Variants in AKAP11 observed in about 807,000 individuals in gnomAD.
The protein encoded by AKAP11 is A-kinase anchor protein 11.
Under a neutral mutation model 146.1 loss-of-function variants are expected in AKAP11, and 36 were observed. The observed-to-expected ratio is 0.25, with a 90% confidence interval of 0.19 to 0.33. AKAP11 has a LOEUF of 0.33. AKAP11 is among the 10% of genes least tolerant of loss of function. The pLI is 1.00. For missense variants in AKAP11, 2,201 were observed against 2,197.0 expected (o/e 1.00, Z -0.04); for synonymous variants, 780 against 786.5 (o/e 0.99, Z 0.14).
intron 9 of AKAP11, 101 bp downstream of exon 9, chr13:42,308,710 A>G: frequency 1.1e-6 from 1 of 904,900 alleles, no homozygotes; most frequent in Non-Finnish European, 1.6e-6. Context: ...ATTTGAAAAT[A>G]TGCTATTACT....
intron 8 of AKAP11, among the ~76,000 whole-genome samples, chr13:42,307,736 G>A (rs1356650333): frequency 2.6e-5 from 4 of 152,150 alleles, no homozygotes; most frequent in Non-Finnish European, 5.9e-5. Flanking sequence ...TGTTATAAGA[G>A]GGGACAGGCA....
Position 42,315,667 on chromosome 13 carries a change from G to A in AKAP11, c.5404+1727G>A, listed in dbSNP as rs529215011. On this transcript the variant is annotated intron_variant, in intron 11 of 12. Transcript: ENST00000025301. ...GCTGTTAAGGATTTCTTTTGTAGTT[G>A]GTAGAAATCAGGAGATTAATTATAT... is the stretch of plus-strand genomic sequence containing the variant. Among the ~76,000 whole-genome samples the A allele has an allele frequency of 1.5e-3, 226 of 152,226 alleles. 1 individual carries two copies. The highest frequency in any genetic ancestry group is 6.8e-3 in the Middle Eastern group (2 of 294).
At chr13:42,309,595 G>T (rs1175838793) in intron 9 of AKAP11, among the ~76,000 whole-genome samples, 1 of 152,144 alleles carries the variant, frequency 6.6e-6, no homozygotes, top group Non-Finnish European at 1.5e-5. Flanking sequence ...TAATATTTTT[G>T]TAAAGTATAT....
In AKAP11 at chr13:42,301,935, A is replaced by G. The variant is rs1228446778; in HGVS notation, c.3189A>G (p.Glu1063=). The change falls in exon 8 of 13, where the codon GAA becomes GAG. Residue 1063 remains glutamate (E), a synonymous_variant. Coordinates refer to ENST00000025301, the MANE Select transcript of AKAP11 (RefSeq NM_016248.4). ...TSLEALSFGQ[E]NPFPHSHTFS... ...TTGAGGCCTTGTCTTTTGGACAGGA[A>G]AACCCCTTTCCTCATTCACATACTT... is the stretch of plus-strand genomic sequence containing the variant. 6.2e-7 allele frequency: 1 copy of G among 1,614,052 alleles called. No individual in the cohort carries two copies. The highest frequency in any genetic ancestry group is 8.5e-7 in the Non-Finnish European group (1 of 1,180,024).
rs752956231 is a variant in AKAP11 at position 42,295,788 on chromosome 13, A to G, written c.216+46A>G. 6 of 1,577,164 alleles carry G rather than the reference A, an allele frequency of 3.8e-6. No individual in the cohort carries two copies. The South Asian group carries it at 5.7e-5, about 15-fold the overall frequency. On this transcript the variant is annotated intron_variant, in intron 5 of 12. Coordinates refer to ENST00000025301, the MANE Select transcript of AKAP11 (RefSeq NM_016248.4). ...TTTACTGAGTATTCTTGTCATGGAA[A>G]TCAGCTTTAGGTTTGACCACAAAAG...
At position 42,320,164 on chromosome 13, in the gene AKAP11, T is replaced by C. The variant is rs1432653102; in HGVS notation, c.*936T>C. 4 of 152,666 alleles carry C rather than the reference T, an allele frequency of 2.6e-5. No homozygotes were observed. Among genetic ancestry groups the C allele is most frequent in the Non-Finnish European group, 5.9e-5 (4 of 68,022 alleles). 9.5% of individuals were successfully genotyped at this position (152,666 alleles called of 1,614,324 possible). On this transcript the variant is annotated 3_prime_UTR_variant, in exon 13 of 13. Transcript: ENST00000025301. ...GTGAAAACTTAAATTGTAAAACATG[T>C]TGAAATTTTAAAAATTAATGTTAAT...
intron 8 of AKAP11, among the ~76,000 whole-genome samples, chr13:42,304,894 G>A (rs1010044429): frequency 6.6e-6 from 1 of 152,104 alleles, no homozygotes; most frequent in Admixed American, 6.6e-5. Flanking sequence ...GGGATTACAG[G>A]CACCCACCAC....
intron 12 of AKAP11, 44 bp from the exon 13 acceptor site, chr13:42,319,044 T>C: frequency 1.3e-6 from 2 of 1,573,342 alleles, no homozygotes; most frequent in Non-Finnish European, 1.7e-6. Flanking sequence ...AGCTTTGTTA[T>C]AAAATTGTTT....
In AKAP11 at chr13:42,300,508, ACAT is replaced by A; in HGVS notation, c.1767_1769del (p.Ser590del). 1.2e-6 allele frequency: 2 copies of A among 1,614,148 alleles called. No homozygotes were observed. The highest frequency in any genetic ancestry group is 1.1e-5 in the South Asian group (1 of 91,082). Reference sequence around the variant, plus strand: ...TTTGTACCACTTAGCCATCAAATTGACATCATCTGTTTTGCAGATGGCATTTGA... The same window carrying A: ...TTTGTACCACTTAGCCATCAAATTGACATCTGTTTTGCAGATGGCATTTGA... On this transcript the variant is annotated inframe_deletion, in exon 8 of 13. Transcript: ENST00000025301.
intron 11 of AKAP11, among the ~76,000 whole-genome samples, chr13:42,315,360 T>C (rs1425120756): frequency 2.0e-5 from 3 of 152,196 alleles, no homozygotes; most frequent in African/African-American, 7.2e-5. Context: ...TTTAGTGTTA[T>C]TGATATTTGA....
Position 42,300,882 on chromosome 13 carries a change from T to A in AKAP11, c.2136T>A (p.Phe712Leu). 6.2e-7 allele frequency: 1 copy of A among 1,614,130 alleles called. No homozygotes were observed. ...AGCTATCACAAGTTGATGTGACCTT[T>A]ACAACAAAGGCAGCAGTTAGTGTCT... ...FIELSQVDVT[F>L]TTKAAVSVST... Residue 712 changes from phenylalanine (F) to leucine (L), a missense_variant, in exon 8 of 13, where the codon TTT becomes TTA. Around this residue, in one of 3 missense-constraint regions of AKAP11, gnomAD observed 1,867 missense variants for 1,833.5 expected, o/e 1.02. Coordinates refer to ENST00000025301, the MANE Select transcript of AKAP11 (RefSeq NM_016248.4).
rs1308298210 is a variant in AKAP11 at position 42,300,104 on chromosome 13, C to T, written c.1358C>T (p.Ser453Phe). The change falls in exon 8 of 13, where the codon TCT becomes TTT. Residue 453 changes from serine to phenylalanine, a missense_variant. Coordinates refer to ENST00000025301, the MANE Select transcript of AKAP11 (RefSeq NM_016248.4). The stretch of plus-strand genomic sequence containing the variant: ...GGTTTATTTAGTCCTATTCGATCCT[C>T]TGCTTTTAGTCCTCTTGGAGGCTGT... ...DSGLFSPIRS[S>F]AFSPLGGCTP... 1 of 1,614,000 alleles carries T rather than the reference C, an allele frequency of 6.2e-7. No homozygotes were observed. Among genetic ancestry groups the T allele is most frequent in the African/African-American group, 1.3e-5 (1 of 75,044 alleles).
Position 42,300,251 on chromosome 13 carries a change from C to T in AKAP11, c.1505C>T (p.Ser502Leu), listed in dbSNP as rs370184997. 3.7e-6 allele frequency: 6 copies of T among 1,613,752 alleles called. No homozygotes were observed. In the African/African-American group the frequency reaches 8.0e-5, roughly 22 times the overall value. The change falls in exon 8 of 13, where the codon TCA becomes TTA. Residue 502 changes from serine (S) to leucine (L), a missense_variant. By Grantham distance (145) the Ser-to-Leu change is moderately radical. Around this residue, in one of 3 missense-constraint regions of AKAP11, gnomAD observed 1,867 missense variants for 1,833.5 expected, o/e 1.02. Transcript: ENST00000025301. ...AGCATTTCATGTGAAGTACTAGGCT[C>T]AGTTCTTCGTACCCACCATACTAAT... ...AKSISCEVLG[S>L]VLRTHHTNTL...
Position 42,300,097 on chromosome 13 carries a change from C to G in AKAP11, c.1351C>G (p.Arg451Gly). 1.2e-6 allele frequency: 2 copies of G among 1,613,886 alleles called. No individual in the cohort carries two copies. The highest frequency in any genetic ancestry group is 1.7e-6 in the Non-Finnish European group (2 of 1,179,842). ...REDSGLFSPI[R>G]SSAFSPLGGC... ...AGATAGTGGTTTATTTAGTCCTATTCGATCCTCTGCTTTTAGTCCTCTTGG... is the reference window on the plus strand; with the variant it reads ...AGATAGTGGTTTATTTAGTCCTATTGGATCCTCTGCTTTTAGTCCTCTTGG... Residue 451 changes from arginine (R) to glycine (G), a missense_variant, in exon 8 of 13, where the codon CGA becomes GGA. Physicochemically the swap from Arg to Gly is moderately radical, Grantham distance 125. Coordinates refer to ENST00000025301, the MANE Select transcript of AKAP11 (RefSeq NM_016248.4).
rs988056838 is a variant in AKAP11 at position 42,286,356 on chromosome 13, C to G, written c.8C>G (p.Thr3Ser). The G allele has an allele frequency of 6.2e-6, 10 of 1,600,412 alleles. No homozygotes were observed. The African/African-American group carries it at 1.3e-4, about 22-fold the overall frequency. Residue 3 changes from threonine to serine, a missense_variant, in exon 3 of 13, where the codon ACT (threonine) becomes AGT (serine). Physicochemically the swap from Thr to Ser is moderately conservative, Grantham distance 58. This residue lies in a region of AKAP11 where 331 missense variants were observed against 347.4 expected (regional missense o/e 0.95). Transcript: ENST00000025301. ...ATACAACAAAAAATAGTTATGGCGACTTTCAGAAACAATCACATGAAGACT... is the reference window on the plus strand; with the variant it reads ...ATACAACAAAAAATAGTTATGGCGAGTTTCAGAAACAATCACATGAAGACT... MATFRNNHMKTKA... is the reference protein window; with the variant it reads MASFRNNHMKTKA...
intron 1 of AKAP11, among the ~76,000 whole-genome samples, chr13:42,285,096 A>C (rs1959140121): frequency 6.6e-6 from 1 of 152,226 alleles, no homozygotes; most frequent in African/African-American, 2.4e-5. Flanking sequence ...GTTTTTTAAA[A>C]GTTCTGACGG....
Position 42,299,582 on chromosome 13 carries a change from G to T in AKAP11, c.836G>T (p.Arg279Met), listed in dbSNP as rs373311918. ...TTSISEPWTQ[R>M]SFYRSSNASD... ...TCAATTTCAGAGCCTTGGACCCAAA[G>T]GAGTTTCTATAGGTCATCTAATGCT... is the stretch of plus-strand genomic sequence containing the variant. Residue 279 changes from arginine (R) to methionine (M), a missense_variant, in exon 8 of 13, where the codon AGG (arginine) becomes ATG (methionine). Arg to Met is a moderately conservative substitution (Grantham distance 91). Transcript: ENST00000025301. 13 of 1,613,934 alleles carry T rather than the reference G, an allele frequency of 8.1e-6. No homozygotes were observed. The East Asian group carries it at 2.2e-4, about 28-fold the overall frequency.
intron 8 of AKAP11, 63 bp downstream of exon 8, chr13:42,303,926 G>A: frequency 6.7e-7 from 1 of 1,489,936 alleles, no homozygotes; most frequent in South Asian, 1.4e-5. Flanking sequence ...GATCCTATAT[G>A]TCTTAGGTCC....
intron 3 of AKAP11, among the ~76,000 whole-genome samples, chr13:42,287,406 C>T (rs1015601411): frequency 6.6e-6 from 1 of 151,954 alleles, no homozygotes; most frequent in African/African-American, 2.4e-5. Context: ...GCCTCAGCCT[C>T]CCGAGTAGCT....
Sources: gnomAD v4.1 joint callset for allele counts (sites outside exome capture counted in the v4.1 genomes callset) on GRCh38, gnomAD v4.1.1 for gene constraint, gnomAD v4.1.1 regional missense constraint, MANE v1.5 for transcripts, NCBI Gene and HGNC (gene_info 2026-07-23, HGNC 2026-07-21) for gene names.